The following IFT80 variants were observed in gnomAD, a reference collection of about 807,000 sequenced individuals.
IFT80 encodes intraflagellar transport protein 80 homolog.
Under a neutral mutation model 107.9 loss-of-function variants are expected in IFT80, and 79 were observed. The observed-to-expected ratio is 0.73, with a 90% CI of 0.61 to 0.88. The LOEUF is 0.88. Among genes scored for constraint, IFT80 ranks in the 40% least tolerant of loss-of-function variants. The pLI is 0.00. For missense variants in IFT80, 797 were observed against 914.2 expected (o/e 0.87, Z 1.65); for synonymous variants, 299 against 300.9 (o/e 0.99, Z 0.07).
At chr3:160,329,932 T>A (rs540235550) in intron 8 of IFT80, among the ~76,000 whole-genome samples, 1 of 152,304 alleles carries the variant, frequency 6.6e-6, no homozygotes, top group African/African-American at 2.4e-5. Flanking sequence ...TTATCTTACT[T>A]ATCTCTTTCT....
intron 9 of IFT80, among the ~76,000 whole-genome samples, chr3:160,309,125 A>C (rs924577541): frequency 2.0e-5 from 3 of 152,186 alleles, no homozygotes; most frequent in African/African-American, 7.2e-5. Flanking sequence ...TCTTTTTACT[A>C]TCTGCTCTCT....
intron 8 of IFT80, among the ~76,000 whole-genome samples, chr3:160,351,290 T>A (rs191530795): frequency 1.3e-3 from 191 of 150,454 alleles, no homozygotes; most frequent in Non-Finnish European, 2.2e-3. Flanking sequence ...TCATTTTTAA[T>A]AACAATATAA....
chr3:160,266,339 TC>T (rs11294435), intron 19 of IFT80, among the ~76,000 whole-genome samples: 48,510 of 145,750 alleles, frequency 0.33, 8,414 homozygotes, highest in African/African-American at 0.36. Context: ...TTCTTTCTCC[TC>T]CCCCCCCCTT....
intron 1 of IFT80, among the ~76,000 whole-genome samples, chr3:160,389,504 C>T (rs1291669187): frequency 7.6e-6 from 1 of 130,982 alleles, no homozygotes; most frequent in African/African-American, 2.9e-5. Flanking sequence ...CAACAGTCCC[C>T]AGAGTGTGAT....
intron 12 of IFT80, among the ~76,000 whole-genome samples, chr3:160,300,127 G>A (rs923060542): frequency 6.6e-6 from 1 of 151,934 alleles, no homozygotes; most frequent in Non-Finnish European, 1.5e-5. Context: ...CCTTCACAAC[G>A]CTTTATTCTC....
intron 6 of IFT80, among the ~76,000 whole-genome samples, chr3:160,362,604 G>A (rs1369619527): frequency 1.9e-4 from 29 of 152,094 alleles, no homozygotes; most frequent in Non-Finnish European, 2.6e-4. Flanking sequence ...GATGAACACC[G>A]ATGCAAAAAT....
chr3:160,313,871 G>A (rs1717595017), intron 9 of IFT80, among the ~76,000 whole-genome samples: 1 of 152,060 alleles, frequency 6.6e-6, no homozygotes, highest in Admixed American at 6.5e-5. Flanking sequence ...GCCTCCCAAA[G>A]TGCTGGGATG....
At chr3:160,275,218 C>T (rs1444157026) in intron 18 of IFT80, among the ~76,000 whole-genome samples, 1 of 152,144 alleles carries the variant, frequency 6.6e-6, no homozygotes, top group African/African-American at 2.4e-5. Flanking sequence ...CTATTTCAAC[C>T]TCTGTATGTT....
intron 9 of IFT80, among the ~76,000 whole-genome samples, chr3:160,312,904 TA>T (rs532887718): frequency 3.0e-5 from 1 of 33,262 alleles, no homozygotes; most frequent in African/African-American, 1.0e-4. Flanking sequence ...ATATAATATA[TA>T]ATAAATATAT....
chr3:160,345,305 T>A (rs754293639), intron 8 of IFT80, among the ~76,000 whole-genome samples: 1 of 152,128 alleles, frequency 6.6e-6, no homozygotes, highest in Non-Finnish European at 1.5e-5. Flanking sequence ...GACATAGAGA[T>A]CACTATGTTA....
At chr3:160,381,817 G>T in intron 2 of IFT80, 93 bp from the exon 3 acceptor site, 1 of 981,446 alleles carries the variant, frequency 1.0e-6, no homozygotes, top group Non-Finnish European at 1.6e-6. Context: ...AAGTAAAATA[G>T]GGTCAAATGG....
chr3:160,389,495 A>G (rs1157693637), intron 1 of IFT80, among the ~76,000 whole-genome samples: 1 of 91,142 alleles, frequency 1.1e-5, no homozygotes, highest in African/African-American at 4.5e-5. Flanking sequence ...CCCACCCCAC[A>G]ACAGTCCCCA....
chr3:160,309,547 C>T (rs533068901), intron 9 of IFT80, among the ~76,000 whole-genome samples: 4 of 152,044 alleles, frequency 2.6e-5, no homozygotes, highest in Non-Finnish European at 4.4e-5. Flanking sequence ...ATTAGCCAGG[C>T]GTGATGGCAG....
intron 12 of IFT80, among the ~76,000 whole-genome samples, chr3:160,286,291 T>A (rs1715084860): frequency 6.6e-6 from 1 of 152,324 alleles, no homozygotes; most frequent in Non-Finnish European, 1.5e-5. Context: ...CATACAAATT[T>A]ATTAGCTTGC....
intron 8 of IFT80, among the ~76,000 whole-genome samples, chr3:160,353,800 T>C (rs748385453): frequency 1.3e-5 from 2 of 152,192 alleles, no homozygotes; most frequent in South Asian, 2.1e-4. Context: ...AGTCTTTATA[T>C]CTTTTTCTTA....
intron 12 of IFT80, among the ~76,000 whole-genome samples, chr3:160,291,246 CT>C (rs975287155): frequency 8.5e-5 from 13 of 152,198 alleles, no homozygotes; most frequent in African/African-American, 2.9e-4. Flanking sequence ...GAAACTGCCC[CT>C]ATAACCGAAG....
chr3:160,361,440 C>A (rs1368777757), intron 6 of IFT80, among the ~76,000 whole-genome samples: 1 of 152,110 alleles, frequency 6.6e-6, no homozygotes, highest in Non-Finnish European at 1.5e-5. Context: ...GACTTTAACA[C>A]CCTACTGTCA....
rs1712528978 is a variant in IFT80 at position 160,381,654 on chromosome 3, C to G, written c.108G>C (p.Gln36His). The G allele has an allele frequency of 1.9e-6, 3 of 1,612,454 alleles. No homozygotes were observed. The highest frequency in any genetic ancestry group is 2.5e-6 in the Non-Finnish European group (3 of 1,179,912). The change falls in exon 3 of 20, where the codon CAG becomes CAC. Residue 36 changes from glutamine to histidine, a missense_variant. By Grantham distance (24) the Gln-to-His change is conservative. Coordinates refer to ENST00000326448, the MANE Select transcript of IFT80 (RefSeq NM_020800.3). ...EELYSCSDDH[Q>H]IVKWNLLTSE... is the part of the protein sequence containing the mutation. ...TGGTTAACAAGTTCCACTTCACTAT[C>G]TGGTGATCATCACTACATGAATACA...
In IFT80 at chr3:160,308,275, A is replaced by T. The variant is rs574974634; in HGVS notation, c.958-494T>A. 5.9e-5 allele frequency among the ~76,000 whole-genome samples: 9 copies of T among 152,284 alleles called. No individual in the cohort carries two copies. In the East Asian group the frequency reaches 1.3e-3, roughly 23 times the overall value. The stretch of plus-strand genomic sequence containing the variant: ...TGGTAAACAAACCAATTGCATGGTG[A>T]AGAAGCCAAGCTGCAGGGAGTGGGG... On this transcript the variant is annotated intron_variant, in intron 9 of 19. Transcript: ENST00000326448.
Sources: gnomAD v4.1 joint callset for allele counts (sites outside exome capture counted in the v4.1 genomes callset) on GRCh38, gnomAD v4.1.1 for gene constraint, MANE v1.5 for transcripts, NCBI Gene and HGNC (gene_info 2026-07-23, HGNC 2026-07-21) for gene names.